The following PHF6 variants were observed in gnomAD, a reference collection of about 807,000 sequenced individuals.
The protein encoded by PHF6 is PHD finger protein 6.
In PHF6, 7 loss-of-function variants were observed where a neutral mutation model predicts 34.0. That is an observed-to-expected ratio of 0.21 (90% confidence interval 0.12 to 0.39). The LOEUF is 0.39. Ranked by LOEUF, PHF6 falls within the 10% of genes least tolerant of loss-of-function variation. PHF6 has a pLI of 1.00. For missense variants in PHF6, 128 were observed against 262.8 expected (o/e 0.49, Z 3.55); for synonymous variants, 89 against 88.4 (o/e 1.01, Z -0.04).
rs755198008 is a variant in PHF6 at position 134,380,924 on chromosome X, C to G, written c.240+2818C>G. Among the ~76,000 whole-genome samples, 3 of 111,858 alleles carry G rather than the reference C, an allele frequency of 2.7e-5. No homozygotes were observed. In the East Asian group the frequency reaches 8.4e-4, roughly 31 times the overall value. On this transcript the variant is annotated intron_variant, in intron 3 of 10. Coordinates refer to ENST00000370803, the MANE Select transcript of PHF6 (RefSeq NM_001015877.2). Reference sequence around the variant, plus strand: ...GGAGTGCAGTGGTGCGATCTCGGCTCACTGCAGCCTCCACTGGGTTCAAGC... The same window carrying G: ...GGAGTGCAGTGGTGCGATCTCGGCTGACTGCAGCCTCCACTGGGTTCAAGC...
chrX:134,403,438 A>G (rs768059909), intron 5 of PHF6, among the ~76,000 whole-genome samples: 1 of 112,333 alleles, frequency 8.9e-6, no homozygotes, highest in East Asian at 2.8e-4. Context: ...TCTACAGAAG[A>G]AAAGTTTGAA....
At chrX:134,400,241 G>A (rs1301130025) in intron 5 of PHF6, among the ~76,000 whole-genome samples, 2 of 109,994 alleles carry the variant, frequency 1.8e-5, no homozygotes, top group African/African-American at 6.6e-5. Flanking sequence ...ACCACACCCG[G>A]CTAATTTTTT....
rs181335627 is a variant in PHF6 at position 134,402,236 on chromosome X, C to T, written c.418+8284C>T. Among the ~76,000 whole-genome samples the T allele has an allele frequency of 1.9e-4, 21 of 112,278 alleles. No individual in the cohort carries two copies. The East Asian group carries it at 5.0e-3, about 27-fold the overall frequency. On this transcript the variant is annotated intron_variant, in intron 5 of 10. Coordinates refer to ENST00000370803, the MANE Select transcript of PHF6 (RefSeq NM_001015877.2). ...GTCTCCATCTCCTGACCTCGTGATC[C>T]GCCCACCTTGGCCTCCCAAAGTGCT...
At chrX:134,379,432 C>CTTTT (rs34099570) in intron 3 of PHF6, among the ~76,000 whole-genome samples, 689 of 26,047 alleles carry the variant, frequency 0.026, no homozygotes, top group Non-Finnish European at 0.032. Context: ...CTTTTCTTTT[C>CTTTT]TTTTTTTTTT....
At chrX:134,375,888 CT>C (rs960491377) in intron 1 of PHF6, among the ~76,000 whole-genome samples, 1 of 110,163 alleles carries the variant, frequency 9.1e-6, no homozygotes, top group Non-Finnish European at 1.9e-5. Context: ...CTGTTATGTC[CT>C]TTTTTTTTCT....
chrX:134,394,770 A>C (rs2077370116), intron 5 of PHF6, among the ~76,000 whole-genome samples: 1 of 108,762 alleles, frequency 9.2e-6, no homozygotes, highest in Non-Finnish European at 1.9e-5. Flanking sequence ...TGATCTCTTG[A>C]CCTCGTGATC....
chrX:134,415,378 A>G (rs1187970171), intron 8 of PHF6: 2 of 417,340 alleles, frequency 4.8e-6, no homozygotes, highest in Non-Finnish European at 8.1e-6. Flanking sequence ...AAGCCGTTTA[A>G]TAAAATAAAT....
intron 3 of PHF6, among the ~76,000 whole-genome samples, chrX:134,389,168 A>C (rs904812909): frequency 9.0e-6 from 1 of 111,297 alleles, no homozygotes; most frequent in Non-Finnish European, 1.9e-5. Context: ...TTTCACCTCT[A>C]TCTAAATCAA....
rs772947817 is a variant in PHF6, at chrX:134,411,076, C to T, written c.419-2415C>T. Reference sequence around the variant, plus strand: ...CACACCATTCTCCTGCCTCAGCCTCCCGAGTAGCTGGGATTACAGGCATGC... The same window carrying T: ...CACACCATTCTCCTGCCTCAGCCTCTCGAGTAGCTGGGATTACAGGCATGC... On this transcript the variant is annotated intron_variant, in intron 5 of 10. Transcript: ENST00000370803. 4.6e-5 allele frequency among the ~76,000 whole-genome samples: 5 copies of T among 109,475 alleles called. No individual in the cohort carries two copies. The East Asian group carries it at 1.4e-3, about 31-fold the overall frequency.
chrX:134,391,677 A>G (rs964852928), intron 3 of PHF6, among the ~76,000 whole-genome samples: 4 of 111,972 alleles, frequency 3.6e-5, no homozygotes, highest in African/African-American at 9.7e-5. Context: ...TTCTTAGTGA[A>G]GTGGGATAAT....
chrX:134,390,204 T>C (rs777683005), intron 3 of PHF6, among the ~76,000 whole-genome samples: 1 of 112,151 alleles, frequency 8.9e-6, no homozygotes, highest in South Asian at 3.7e-4. Context: ...TTTGGCTTTA[T>C]TATGGATAAT....
At chrX:134,419,649 G>C (rs779095220) in intron 9 of PHF6, 1 of 111,165 alleles carries the variant, frequency 9.0e-6, no homozygotes, top group Non-Finnish European at 1.9e-5. Context: ...TCACTGTGGG[G>C]TGGATAAGGC....
chrX:134,378,346 A>C (rs761894131), intron 3 of PHF6, among the ~76,000 whole-genome samples: 1 of 111,866 alleles, frequency 8.9e-6, no homozygotes, highest in African/African-American at 3.2e-5. Context: ...AAAGAGAATT[A>C]AAATCTTTTT....
chrX:134,375,282 T>C (rs757002402), intron 1 of PHF6, among the ~76,000 whole-genome samples: 12 of 111,975 alleles, frequency 1.1e-4, no homozygotes, highest in African/African-American at 3.9e-4. Context: ...AAATTTAAGC[T>C]GATTACAGAA....
At chrX:134,380,149 C>CT (rs749900020) in intron 3 of PHF6, among the ~76,000 whole-genome samples, 6,765 of 96,254 alleles carry the variant, frequency 0.07, 261 homozygotes, top group Non-Finnish European at 0.096. Context: ...TTATTTGGAC[C>CT]TTTTTTTTTT....
chrX:134,421,061 AT>A (rs2077490013), intron 9 of PHF6, among the ~76,000 whole-genome samples: 1 of 111,891 alleles, frequency 8.9e-6, no homozygotes, highest in African/African-American at 3.2e-5. Flanking sequence ...TAAATGTGAT[AT>A]AATTTTCACT....
At chrX:134,385,199 G>A (rs1362996820) in intron 3 of PHF6, among the ~76,000 whole-genome samples, 1 of 111,084 alleles carries the variant, frequency 9.0e-6, no homozygotes, top group Non-Finnish European at 1.9e-5. Flanking sequence ...CAAGCATCCT[G>A]TCTCTGTCCC....
chrX:134,384,861 C>T, intron 3 of PHF6, among the ~76,000 whole-genome samples: 1 of 110,782 alleles, frequency 9.0e-6, no homozygotes, highest in Middle Eastern at 4.7e-3. Context: ...CCGTGTTAGC[C>T]AGGATGGTCT....
chrX:134,402,126 G>A (rs1166833693), intron 5 of PHF6, among the ~76,000 whole-genome samples: 2 of 111,367 alleles, frequency 1.8e-5, no homozygotes, highest in Admixed American at 1.9e-4. Flanking sequence ...CTCCCGAGTA[G>A]CTGGGATTAC....
Sources: allele counts gnomAD v4.1 joint callset (sites outside exome capture counted in the v4.1 genomes callset), GRCh38; gene constraint gnomAD v4.1.1; transcripts MANE v1.5; gene names NCBI Gene and HGNC (gene_info 2026-07-23, HGNC 2026-07-21).